The following ADGRB3 variants were observed in gnomAD, a reference collection of about 807,000 sequenced individuals.
ADGRB3 encodes brain-specific angiogenesis inhibitor 3.
A neutral mutation model predicts 193.4 loss-of-function variants in ADGRB3; 37 were observed. The ratio of observed to expected loss-of-function variants is 0.19; its 90% CI spans 0.15 to 0.25. The LOEUF (loss-of-function observed/expected upper bound fraction) is 0.25, where lower values mean the gene tolerates loss of function less well. Among genes scored for constraint, ADGRB3 ranks in the 10% least tolerant of loss-of-function variants. The pLI, the probability that ADGRB3 is intolerant of heterozygous loss-of-function variation, is 1.00. For missense variants in ADGRB3, 1,637 were observed against 1,852.9 expected (o/e 0.88, Z 2.14); for synonymous variants, 690 against 644.2 (o/e 1.07, Z -1.08).
rs532406754 is a variant in ADGRB3, at chr6:68,697,305, C to T, written c.757+57873C>T. Among the ~76,000 whole-genome samples, 3 of 151,926 alleles carry T rather than the reference C, an allele frequency of 2.0e-5. No individual in the cohort carries two copies. The South Asian group carries it at 6.2e-4, about 31-fold the overall frequency. On this transcript the variant is annotated intron_variant, in intron 3 of 31. Transcript: ENST00000370598. Reference sequence around the variant, plus strand: ...AAGTAAGGCTTTTGATATTTTTAAACTTAGAAATTTGTATATATGGCCTGC... The same window carrying T: ...AAGTAAGGCTTTTGATATTTTTAAATTTAGAAATTTGTATATATGGCCTGC...
At chr6:68,741,745 A>T (rs1765987399) in intron 3 of ADGRB3, among the ~76,000 whole-genome samples, 1 of 152,206 alleles carries the variant, frequency 6.6e-6, no homozygotes, top group Non-Finnish European at 1.5e-5. Context: ...GAGTAATCTA[A>T]TATCAAACTG....
intron 3 of ADGRB3, among the ~76,000 whole-genome samples, chr6:68,670,717 G>C (rs1448782625): frequency 6.6e-6 from 1 of 151,764 alleles, no homozygotes; most frequent in Non-Finnish European, 1.5e-5. Context: ...TGTTCTTTTT[G>C]CTTAGGATAG....
intron 3 of ADGRB3, among the ~76,000 whole-genome samples, chr6:68,814,369 C>T (rs1256049072): frequency 6.6e-6 from 1 of 152,134 alleles, no homozygotes; most frequent in African/African-American, 2.4e-5. Context: ...TGAGAAGTGT[C>T]TGTTCATATC....
intron 3 of ADGRB3, among the ~76,000 whole-genome samples, chr6:68,752,492 C>G (rs1033234703): frequency 3.3e-5 from 5 of 151,986 alleles, no homozygotes; most frequent in African/African-American, 1.2e-4. Flanking sequence ...AGACTGGTCT[C>G]GATCTCCTGA....
At chr6:69,349,911 G>A (rs1451036736) in intron 26 of ADGRB3, among the ~76,000 whole-genome samples, 3 of 152,188 alleles carry the variant, frequency 2.0e-5, no homozygotes, top group Non-Finnish European at 2.9e-5. Flanking sequence ...TGTGAGGTTT[G>A]TCTGAATTGC....
At chr6:68,861,963 A>G (rs1056108701) in intron 3 of ADGRB3, among the ~76,000 whole-genome samples, 2 of 152,144 alleles carry the variant, frequency 1.3e-5, no homozygotes, top group African/African-American at 2.4e-5. Context: ...ATTTTTAACC[A>G]TTATTGTCAT....
intron 11 of ADGRB3, among the ~76,000 whole-genome samples, chr6:69,006,431 C>T (rs887336779): frequency 2.0e-5 from 3 of 152,026 alleles, no homozygotes; most frequent in Admixed American, 1.3e-4. Flanking sequence ...GTATTTTGAA[C>T]ACTCTTTGGA....
chr6:69,307,008 C>A (rs954524773), intron 20 of ADGRB3, among the ~76,000 whole-genome samples: 3 of 151,350 alleles, frequency 2.0e-5, no homozygotes, highest in Non-Finnish European at 2.9e-5. Context: ...CTGCTACACC[C>A]TTACTCTCCC....
chr6:69,132,167 G>T (rs563088183), intron 17 of ADGRB3, among the ~76,000 whole-genome samples: 2 of 152,196 alleles, frequency 1.3e-5, no homozygotes, highest in South Asian at 4.2e-4. Context: ...GGGTCAAATG[G>T]TATTTCTGAT....
intron 3 of ADGRB3, among the ~76,000 whole-genome samples, chr6:68,847,075 C>G (rs866849097): frequency 7.9e-5 from 12 of 152,126 alleles, no homozygotes; most frequent in African/African-American, 4.8e-5. Flanking sequence ...TTGGAGCTTT[C>G]AATTAGACTG....
intron 3 of ADGRB3, among the ~76,000 whole-genome samples, chr6:68,791,114 C>T (rs2127366630): frequency 6.6e-6 from 1 of 151,668 alleles, no homozygotes; most frequent in East Asian, 1.9e-4. Flanking sequence ...GACAAGTATC[C>T]TTAAAACAAC....
chr6:69,199,689 A>G (rs1765378474), intron 17 of ADGRB3, among the ~76,000 whole-genome samples: 1 of 152,112 alleles, frequency 6.6e-6, no homozygotes, highest in African/African-American at 2.4e-5. Flanking sequence ...ATCCCAAAAC[A>G]GTAACACATA....
At chr6:69,133,239 ATTCT>A (rs1285009296) in intron 17 of ADGRB3, among the ~76,000 whole-genome samples, 21 of 152,172 alleles carry the variant, frequency 1.4e-4, no homozygotes, top group African/African-American at 4.8e-4. Flanking sequence ...CATGATATTG[ATTCT>A]TTCTATCCAT....
chr6:68,784,876 T>A (rs535130947), intron 3 of ADGRB3, among the ~76,000 whole-genome samples: 4 of 152,286 alleles, frequency 2.6e-5, no homozygotes, highest in Non-Finnish European at 4.4e-5. Flanking sequence ...TTTCCTTGCC[T>A]TGTTTTCTTT....
rs183910171 is a variant in ADGRB3, at chr6:68,791,442, T to C, written c.758-139117T>C. ...ATTAGTGGAACGTTTCTTTTATTGC[T>C]TTTTATTTTTGCTCTTTTTCTTGTT... is the stretch of plus-strand genomic sequence containing the variant. On this transcript the variant is annotated intron_variant, in intron 3 of 31. Coordinates refer to ENST00000370598, the MANE Select transcript of ADGRB3 (RefSeq NM_001704.3). Among the ~76,000 whole-genome samples, 292 of 152,356 alleles carry C rather than the reference T, an allele frequency of 1.9e-3. 3 individuals are homozygous for C. The Middle Eastern group carries it at 0.037, about 20-fold the overall frequency.
intron 2 of ADGRB3, among the ~76,000 whole-genome samples, chr6:68,638,248 CAGAG>C (rs1031897633): frequency 1.3e-5 from 2 of 152,092 alleles, no homozygotes; most frequent in African/African-American, 2.4e-5. Context: ...CCGCAGAGGA[CAGAG>C]AGAGAAAAGG....
intron 3 of ADGRB3, among the ~76,000 whole-genome samples, chr6:68,705,225 TATA>T (rs1349157556): frequency 6.6e-6 from 1 of 152,198 alleles, no homozygotes; most frequent in Admixed American, 6.5e-5. Flanking sequence ...TAACACTCAA[TATA>T]ATGTTTGCTT....
intron 20 of ADGRB3, among the ~76,000 whole-genome samples, chr6:69,311,767 T>A (rs1561984140): frequency 6.6e-6 from 1 of 151,762 alleles, no homozygotes; most frequent in East Asian, 1.9e-4. Context: ...TGCTTTAGAT[T>A]TCATTTCCAT....
At chr6:69,044,244 C>T (rs1342927407) in intron 13 of ADGRB3, among the ~76,000 whole-genome samples, 1 of 152,148 alleles carries the variant, frequency 6.6e-6, no homozygotes, top group Non-Finnish European at 1.5e-5. Context: ...CTTCATCCCT[C>T]CACCCTTACA....
Sources: allele counts gnomAD v4.1 joint callset (sites outside exome capture counted in the v4.1 genomes callset), GRCh38; gene constraint gnomAD v4.1.1; transcripts MANE v1.5; gene names NCBI Gene and HGNC (gene_info 2026-07-23, HGNC 2026-07-21).